Variants in PHKA2 observed in about 807,000 individuals in gnomAD.
PHKA2 encodes the protein phosphorylase kinase regulatory subunit alpha 2.
A neutral mutation model predicts 102.0 loss-of-function variants in PHKA2; 31 were observed. That is an observed-to-expected ratio of 0.30 (90% CI 0.23 to 0.41). The LOEUF (loss-of-function observed/expected upper bound fraction) is 0.41, where lower values mean the gene tolerates loss of function less well. Among genes scored for constraint, PHKA2 ranks in the 10% least tolerant of loss-of-function variants. The probability of loss-of-function intolerance (pLI) is 1.00; values close to 1 mark genes in which losing one functional copy is unlikely to be tolerated. For synonymous variants in PHKA2, 455 were observed against 416.2 expected (o/e 1.09, Z -1.13); for missense variants, 858 against 1,023.1 (o/e 0.84, Z 2.20).
chrX:18,944,934 G>T, intron 6 of PHKA2, 144 bp downstream of exon 6: 1 of 526,218 alleles, frequency 1.9e-6, no homozygotes, highest in South Asian at 2.5e-5. Context: ...GGTGGCTGGG[G>T]TAACTGTGCC....
At chrX:18,982,556 G>A (rs528379962) in intron 1 of PHKA2, among the ~76,000 whole-genome samples, 2 of 112,399 alleles carry the variant, frequency 1.8e-5, no homozygotes, top group Middle Eastern at 9.2e-3. Flanking sequence ...TCTGAGGCCA[G>A]GTGCAGTGGC....
chrX:18,964,745 GACT>G (rs2048915602), intron 1 of PHKA2, among the ~76,000 whole-genome samples: 1 of 112,310 alleles, frequency 8.9e-6, no homozygotes, highest in African/African-American at 3.2e-5. Context: ...CTACAATTGA[GACT>G]ACTGATTGTA....
chrX:18,906,992 T>G, intron 23 of PHKA2, 26 bp downstream of exon 23: 1 of 1,167,095 alleles, frequency 8.6e-7, no homozygotes, highest in Non-Finnish European at 1.2e-6. Flanking sequence ...CCCGCAAACC[T>G]GAGGTCCCCA....
At chrX:18,914,829 A>G (rs1050175344) in intron 19 of PHKA2, among the ~76,000 whole-genome samples, 2 of 111,850 alleles carry the variant, frequency 1.8e-5, no homozygotes, top group African/African-American at 3.3e-5. Flanking sequence ...GGGAAATCAA[A>G]TAACTCCGAG....
chrX:18,964,868 C>T (rs2048917441), intron 1 of PHKA2, among the ~76,000 whole-genome samples: 1 of 112,345 alleles, frequency 8.9e-6, no homozygotes, highest in Non-Finnish European at 1.9e-5. Context: ...CTCTAATATG[C>T]CTCATGCTTT....
intron 28 of PHKA2, among the ~76,000 whole-genome samples, chrX:18,899,842 A>G (rs1303926842): frequency 8.9e-6 from 1 of 112,061 alleles, no homozygotes; most frequent in African/African-American, 3.2e-5. Flanking sequence ...GGAACAAATA[A>G]TATGTTCCTT....
chrX:18,907,826 G>A, intron 22 of PHKA2, 74 bp downstream of exon 22: 1 of 1,063,872 alleles, frequency 9.4e-7, no homozygotes. Flanking sequence ...GGTATAACTG[G>A]GAGATTGGAA....
At chrX:18,915,157 T>A (rs2047997721) in intron 19 of PHKA2, 2 of 110,525 alleles carry the variant, frequency 1.8e-5, no homozygotes, top group South Asian at 7.9e-4. Flanking sequence ...CTGGGCAACA[T>A]GGTGAAACCC....
intron 1 of PHKA2, among the ~76,000 whole-genome samples, chrX:18,966,470 T>C (rs2048946993): frequency 1.8e-5 from 2 of 111,964 alleles, no homozygotes; most frequent in Non-Finnish European, 3.8e-5. Context: ...TTGAAACAAT[T>C]CCAAATCTCT....
At position 18,926,347 on chromosome X, in the gene PHKA2, G is replaced by T. The variant is rs1467733314; in HGVS notation, c.1459+106C>A. On this transcript the variant is annotated intron_variant, in intron 14 of 32. Coordinates refer to ENST00000379942, the MANE Select transcript of PHKA2 (RefSeq NM_000292.3). ...GGTGGAACCGCCTGCTTTAGTTTTT[G>T]TCCAAGTCTTTAGAACTTACGTATA... 3.1e-5 allele frequency: 21 copies of T among 677,002 alleles called. No homozygotes were observed. In the East Asian group the frequency reaches 6.1e-4, roughly 20 times the overall value. The allele number at this position is 677,002 out of a possible 1,213,427, so 55.8% of individuals were successfully genotyped here. A position where few individuals can be genotyped will look rare whatever the true frequency, so the allele number is the denominator to read the frequency against.
At chrX:18,969,713 G>A (rs1315444798) in intron 1 of PHKA2, among the ~76,000 whole-genome samples, 7 of 110,875 alleles carry the variant, frequency 6.3e-5, no homozygotes, top group Admixed American at 9.6e-5. Flanking sequence ...ATCCTGAAAG[G>A]GTGTCAGGGA....
chrX:18,941,725 G>A (rs368611813), intron 7 of PHKA2, 50 bp from the exon 8 acceptor site: 11 of 903,107 alleles, frequency 1.2e-5, no homozygotes, highest in East Asian at 3.1e-5. Context: ...GCTAATAGGC[G>A]CAGTATCTAG....
rs559164945 is a variant in PHKA2 at position 18,893,528 on chromosome X, T to G, written c.3665A>C (p.Tyr1222Ser). 2.4e-5 allele frequency: 29 copies of G among 1,210,039 alleles called. No homozygotes were observed. The East Asian group carries it at 3.8e-4, about 16-fold the overall frequency. The change falls in exon 33 of 33, where the codon TAT becomes TCT. Residue 1222 changes from tyrosine (Y) to serine (S), a missense_variant. Physicochemically the swap from Tyr to Ser is moderately radical, Grantham distance 144 (BLOSUM62 -2). Around this residue, in one of 2 missense-constraint regions of PHKA2, gnomAD observed 671 missense variants for 745.2 expected, o/e 0.90. Transcript: ENST00000379942. ...CGAATTGGGCAACAATTCCTGCAAA[T>G]AAGAAGCCACTGCTCTTGTTAGGTA... ...MTYLTRAVAS[Y>S]LQELLPNSGC...
chrX:18,974,145 A>C (rs1364501237), intron 1 of PHKA2, among the ~76,000 whole-genome samples: 1 of 110,388 alleles, frequency 9.1e-6, no homozygotes, highest in Non-Finnish European at 1.9e-5. Flanking sequence ...TGCTCCTTGC[A>C]TTATCAGTTT....
intron 4 of PHKA2, among the ~76,000 whole-genome samples, chrX:18,950,412 T>C (rs1231412488): frequency 9.0e-6 from 1 of 111,226 alleles, no homozygotes; most frequent in Non-Finnish European, 1.9e-5. Context: ...AGACCAGACC[T>C]AGGTGGCTCC....
chrX:18,931,314 A>G (rs2048311474), intron 12 of PHKA2, among the ~76,000 whole-genome samples: 1 of 111,484 alleles, frequency 9.0e-6, no homozygotes, highest in Admixed American at 9.5e-5. Flanking sequence ...TGTATCTTCT[A>G]GGATCAGATG....
chrX:18,908,692 G>A (rs1421327863), intron 21 of PHKA2, 109 bp downstream of exon 21: 3 of 721,144 alleles, frequency 4.2e-6, no homozygotes, highest in Non-Finnish European at 6.5e-6. Context: ...TCGGCCTTGA[G>A]TTTCAACTTC....
chrX:18,915,875 T>C (rs752224639), intron 19 of PHKA2, among the ~76,000 whole-genome samples: 84 of 111,301 alleles, frequency 7.5e-4, no homozygotes, highest in Non-Finnish European at 1.4e-3. Context: ...TTTGGAATCA[T>C]AGGAACACCA....
At chrX:18,897,833 G>A (rs945364798) in intron 29 of PHKA2, 6 of 122,059 alleles carry the variant, frequency 4.9e-5, no homozygotes, top group Non-Finnish European at 8.5e-5. Context: ...CCTAGTGTGC[G>A]CTAAGTGCCC....
Sources: allele counts gnomAD v4.1 joint callset (sites outside exome capture counted in the v4.1 genomes callset), GRCh38; gene constraint gnomAD v4.1.1; regional missense constraint gnomAD v4.1.1; transcripts MANE v1.5; gene names NCBI Gene and HGNC (gene_info 2026-07-23, HGNC 2026-07-21).